KCNJ6: variants seen among roughly 807,000 people sequenced by gnomAD.
The protein encoded by KCNJ6 is G protein-activated inward rectifier potassium channel 2.
KCNJ6 carries 9 observed loss-of-function variants against 34.2 expected under a neutral mutation model. The ratio of observed to expected loss-of-function variants is 0.26; its 90% CI spans 0.16 to 0.46. The LOEUF (loss-of-function observed/expected upper bound fraction) is 0.46. Ranked by LOEUF, KCNJ6 falls within the 20% of genes least tolerant of loss-of-function variation. The probability of loss-of-function intolerance (pLI) is 1.00; values close to 1 mark genes in which losing one functional copy is unlikely to be tolerated. For synonymous variants in KCNJ6, 196 were observed against 207.1 expected (o/e 0.95, Z 0.46); for missense variants, 236 against 531.3 (o/e 0.44, Z 5.46).
Position 37,810,482 on chromosome 21 carries a change from T to C in KCNJ6, c.25+30176A>G, listed in dbSNP as rs76626734. Among the ~76,000 whole-genome samples the C allele has an allele frequency of 0.015, 2,224 of 152,252 alleles. 115 individuals carry two copies. In the East Asian group the frequency reaches 0.17, roughly 11 times the overall value. On this transcript the variant is annotated intron_variant, in intron 2 of 3. Transcript: ENST00000609713. Reference sequence around the variant, plus strand: ...CTGCTCTCCAAAAAGATGAGGATAATCTACTTGTCAATGAACAGTCAATAA... The same window carrying C: ...CTGCTCTCCAAAAAGATGAGGATAACCTACTTGTCAATGAACAGTCAATAA...
intron 3 of KCNJ6, among the ~76,000 whole-genome samples, chr21:37,630,228 A>G (rs1314186929): frequency 1.3e-5 from 2 of 150,426 alleles, no homozygotes; most frequent in Admixed American, 6.6e-5. Flanking sequence ...TGAGTAAAGT[A>G]CTTTCTGGAA....
intron 1 of KCNJ6, among the ~76,000 whole-genome samples, chr21:37,882,129 A>G (rs2055711898): frequency 6.6e-6 from 1 of 152,202 alleles, no homozygotes; most frequent in Non-Finnish European, 1.5e-5. Context: ...CTCCACTTCT[A>G]CAGTTTTATG....
At chr21:37,720,756 G>A (rs1164743449) in intron 2 of KCNJ6, among the ~76,000 whole-genome samples, 14 of 149,902 alleles carry the variant, frequency 9.3e-5, no homozygotes, top group African/African-American at 2.2e-4. Context: ...GCCGGACTGC[G>A]GACTGCAGTG....
chr21:37,810,755 T>C (rs2055318734), intron 2 of KCNJ6, among the ~76,000 whole-genome samples: 2 of 152,244 alleles, frequency 1.3e-5, no homozygotes, highest in South Asian at 2.1e-4. Flanking sequence ...CTGTGATTTA[T>C]AATAAGATAT....
chr21:37,889,091 C>A (rs1395417274), intron 1 of KCNJ6, among the ~76,000 whole-genome samples: 1 of 152,198 alleles, frequency 6.6e-6, no homozygotes, highest in African/African-American at 2.4e-5. Flanking sequence ...ATCCTGAAAC[C>A]TTGACCTGTG....
intron 1 of KCNJ6, among the ~76,000 whole-genome samples, chr21:37,868,967 A>G (rs2055636877): frequency 6.6e-6 from 1 of 152,258 alleles, no homozygotes; most frequent in African/African-American, 2.4e-5. Flanking sequence ...GAAGAGGGAA[A>G]AACGCAGTAG....
chr21:37,750,712 A>C (rs900834223), intron 2 of KCNJ6, among the ~76,000 whole-genome samples: 13 of 151,710 alleles, frequency 8.6e-5, no homozygotes, highest in African/African-American at 3.2e-4. Flanking sequence ...GGGGAACATC[A>C]CACTCCAGGG....
chr21:37,802,455 G>A (rs2055273793), intron 2 of KCNJ6, among the ~76,000 whole-genome samples: 1 of 152,128 alleles, frequency 6.6e-6, no homozygotes, highest in African/African-American at 2.4e-5. Flanking sequence ...AGGGTAGGGC[G>A]GGAGGGACAG....
intron 2 of KCNJ6, among the ~76,000 whole-genome samples, chr21:37,792,255 C>T (rs779745401): frequency 1.2e-4 from 19 of 152,242 alleles, no homozygotes; most frequent in Non-Finnish European, 4.4e-5. Context: ...TTGGCACAAG[C>T]TTCAAGTCTC....
Position 37,755,004 on chromosome 21 carries a change from T to C in KCNJ6, c.26-39873A>G, listed in dbSNP as rs1018716456. On this transcript the variant is annotated intron_variant, in intron 2 of 3. Transcript: ENST00000609713. ...CAATAGGTAGCAAAATGACAAACTC[T>C]AGACAACTCCAGGATGTGTTCAATG... Among the ~76,000 whole-genome samples the C allele has an allele frequency of 2.0e-5, 3 of 152,290 alleles. No individual in the cohort carries two copies. In the East Asian group the frequency reaches 5.8e-4, roughly 29 times the overall value.
At chr21:37,881,470 GGA>G (rs10550872) in intron 1 of KCNJ6, among the ~76,000 whole-genome samples, 99,088 of 148,830 alleles carry the variant, frequency 0.67, 32,714 homozygotes, top group South Asian at 0.77. Context: ...CTCTCTGCAT[GGA>G]GAGAGAGAGA....
intron 3 of KCNJ6, among the ~76,000 whole-genome samples, chr21:37,669,447 T>A (rs1050993472): frequency 6.6e-6 from 1 of 152,196 alleles, no homozygotes; most frequent in African/African-American, 2.4e-5. Context: ...TTTGCTGACA[T>A]ACTACAAATT....
chr21:37,619,722 A>T lies in KCNJ6; in HGVS notation c.*5437T>A, dbSNP rs558303449. 2 of 152,298 alleles carry T rather than the reference A, an allele frequency of 1.3e-5. No homozygotes were observed. The highest frequency in any genetic ancestry group is 4.8e-5 in the African/African-American group (2 of 41,464). 9.4% of individuals were successfully genotyped at this position (152,298 alleles called of 1,614,324 possible). ...AGCGAGGCGGGTTTGATGTGTGGCAACCACTGCAGGTCTGGGCTGCTTTGC... is the reference window on the plus strand; with the variant it reads ...AGCGAGGCGGGTTTGATGTGTGGCATCCACTGCAGGTCTGGGCTGCTTTGC... On this transcript the variant is annotated 3_prime_UTR_variant, in exon 4 of 4. Transcript: ENST00000609713.
At chr21:37,721,291 T>C (rs1252171464) in intron 2 of KCNJ6, among the ~76,000 whole-genome samples, 3 of 152,218 alleles carry the variant, frequency 2.0e-5, no homozygotes, top group Admixed American at 1.3e-4. Context: ...GTTGGCAGGA[T>C]GTAGAGAAAT....
intron 3 of KCNJ6, among the ~76,000 whole-genome samples, chr21:37,667,456 G>A (rs1490323489): frequency 6.6e-6 from 1 of 152,098 alleles, no homozygotes; most frequent in Non-Finnish European, 1.5e-5. Context: ...TGACTCAATA[G>A]GACATCAGGG....
At chr21:37,679,832 G>A (rs950855442) in intron 3 of KCNJ6, among the ~76,000 whole-genome samples, 3 of 152,138 alleles carry the variant, frequency 2.0e-5, no homozygotes, top group African/African-American at 2.4e-5. Flanking sequence ...ACATACTGTC[G>A]CCTTTCTAGA....
intron 3 of KCNJ6, among the ~76,000 whole-genome samples, chr21:37,642,151 C>G (rs186389919): frequency 6.6e-6 from 1 of 152,092 alleles, no homozygotes; most frequent in African/African-American, 2.4e-5. Flanking sequence ...ACAGAAGAGG[C>G]CTTGGTTAGA....
In KCNJ6 at chr21:37,863,847, T is replaced by G. The variant is rs1334913459; in HGVS notation, c.-27-23138A>C. On this transcript the variant is annotated intron_variant, in intron 1 of 3. Transcript: ENST00000609713. Reference sequence around the variant, plus strand: ...TTTAAGCAATTTTAAAATATAAAGGTTTTTTTTTTTTTGTTTTTTTTTTTT... The same window carrying G: ...TTTAAGCAATTTTAAAATATAAAGGGTTTTTTTTTTTTGTTTTTTTTTTTT... 5.4e-5 allele frequency among the ~76,000 whole-genome samples: 4 copies of G among 73,638 alleles called. 1 individual carries two copies. The highest frequency in any genetic ancestry group is 8.0e-5 in the Non-Finnish European group (3 of 37,368). The allele number at this position is 73,638 out of a possible 152,430, so 48.3% of individuals were successfully genotyped here. A position where few individuals can be genotyped will look rare whatever the true frequency, so the allele number is the denominator to read the frequency against.
chr21:37,898,513 C>T (rs2055800461), intron 1 of KCNJ6, among the ~76,000 whole-genome samples: 1 of 149,022 alleles, frequency 6.7e-6, no homozygotes, highest in African/African-American at 2.5e-5. Context: ...ACCCAGGAGG[C>T]GAAGGTTGCA....
Sources: allele counts gnomAD v4.1 joint callset (sites outside exome capture counted in the v4.1 genomes callset), GRCh38; gene constraint gnomAD v4.1.1; transcripts MANE v1.5; gene names NCBI Gene and HGNC (gene_info 2026-07-23, HGNC 2026-07-21).